NOL10: variants seen among roughly 807,000 people sequenced by gnomAD.
NOL10 encodes nucleolar protein 10, also known as H_NH0074G24.1.
A neutral mutation model predicts 103.5 loss-of-function variants in NOL10; 58 were observed. That is an observed-to-expected ratio of 0.56 (90% CI 0.45 to 0.70). The LOEUF is 0.70. Among genes scored for constraint, NOL10 ranks in the 30% least tolerant of loss-of-function variants. The pLI is 0.00. For missense variants in NOL10, 763 were observed against 807.3 expected (o/e 0.95, Z 0.67); for synonymous variants, 287 against 282.5 (o/e 1.02, Z -0.16).
At chr2:10,660,066 G>A (rs1680095237) in intron 9 of NOL10, among the ~76,000 whole-genome samples, 1 of 151,950 alleles carries the variant, frequency 6.6e-6, no homozygotes. Context: ...TGAGTCAGAA[G>A]TGGACAATAT....
At chr2:10,623,469 T>C (rs1003075023) in intron 13 of NOL10, among the ~76,000 whole-genome samples, 1 of 152,196 alleles carries the variant, frequency 6.6e-6, no homozygotes. Context: ...GAATGAAACA[T>C]TACTTATGGG....
intron 20 of NOL10, among the ~76,000 whole-genome samples, chr2:10,577,392 C>G (rs1046588952): frequency 5.9e-5 from 9 of 152,190 alleles, no homozygotes; most frequent in African/African-American, 9.7e-5. Flanking sequence ...AGAGCTAACT[C>G]CAGGGCCACT....
intron 12 of NOL10, among the ~76,000 whole-genome samples, chr2:10,646,915 T>C (rs1286823793): frequency 6.6e-6 from 1 of 152,116 alleles, no homozygotes; most frequent in Non-Finnish European, 1.5e-5. Context: ...TAATATAACA[T>C]CAAACTGAAA....
intron 13 of NOL10, among the ~76,000 whole-genome samples, chr2:10,641,338 C>CA (rs1028480294): frequency 1.2e-4 from 16 of 129,790 alleles, no homozygotes; most frequent in Admixed American, 6.4e-4. Context: ...AACTCCGTCT[C>CA]AAAAAAAAAC....
At chr2:10,676,780 G>A (rs1681336971) in intron 3 of NOL10, among the ~76,000 whole-genome samples, 1 of 151,918 alleles carries the variant, frequency 6.6e-6, no homozygotes, top group African/African-American at 2.4e-5. Context: ...TGGGATTACA[G>A]GTGCAGGCCA....
At position 10,593,085 on chromosome 2, in the gene NOL10, C is replaced by G. The variant is rs143847543; in HGVS notation, c.1423-3334G>C. ...GACGCCTATTATTATTTTGTTCCAACATAGTAACATATATGAAGAATGATT... is the reference window on the plus strand; with the variant it reads ...GACGCCTATTATTATTTTGTTCCAAGATAGTAACATATATGAAGAATGATT... On this transcript the variant is annotated intron_variant, in intron 17 of 20. Transcript: ENST00000381685. Among the ~76,000 whole-genome samples, 492 of 152,094 alleles carry G rather than the reference C, an allele frequency of 3.2e-3. 5 individuals carry two copies. Among genetic ancestry groups the G allele is most frequent in the Middle Eastern group, 0.017 (5 of 294 alleles).
At chr2:10,678,469 T>C (rs1159792576) in intron 3 of NOL10, among the ~76,000 whole-genome samples, 1 of 151,488 alleles carries the variant, frequency 6.6e-6, no homozygotes, top group Non-Finnish European at 1.5e-5. Context: ...ATTTCTTATC[T>C]TTCATCCCCA....
chr2:10,650,292 C>G (rs1401496789), intron 12 of NOL10, among the ~76,000 whole-genome samples: 2 of 106,866 alleles, frequency 1.9e-5, no homozygotes, highest in African/African-American at 6.2e-5. Context: ...CTTAGAGTAT[C>G]TGGGACTACA....
At chr2:10,648,511 G>A (rs747002412) in intron 12 of NOL10, among the ~76,000 whole-genome samples, 3 of 152,126 alleles carry the variant, frequency 2.0e-5, no homozygotes, top group Non-Finnish European at 4.4e-5. Flanking sequence ...CGAGTTATTA[G>A]ATAGTAACAG....
At chr2:10,585,445 T>C (rs544327498) in intron 19 of NOL10, among the ~76,000 whole-genome samples, 6 of 152,310 alleles carry the variant, frequency 3.9e-5, no homozygotes, top group African/African-American at 1.2e-4. Context: ...TTCTTGCACA[T>C]AGATGAAAAC....
chr2:10,621,959 T>A, intron 13 of NOL10: 1 of 425,582 alleles, frequency 2.3e-6, no homozygotes, highest in South Asian at 1.8e-5. Context: ...TGTGGCGATT[T>A]AAGTTAAAAT....
chr2:10,649,027 G>A (rs1482606029), intron 12 of NOL10, among the ~76,000 whole-genome samples: 1 of 152,050 alleles, frequency 6.6e-6, no homozygotes, highest in Non-Finnish European at 1.5e-5. Context: ...ACCTGAAAAT[G>A]GACTGGATGT....
chr2:10,670,880 GTTT>G (rs574085157), intron 6 of NOL10, among the ~76,000 whole-genome samples: 209 of 152,298 alleles, frequency 1.4e-3, no homozygotes, highest in Non-Finnish European at 1.9e-3. Flanking sequence ...TGAAACAACT[GTTT>G]TTTAAATTTT....
chr2:10,677,226 A>G (rs896555193), intron 3 of NOL10, among the ~76,000 whole-genome samples: 1 of 152,110 alleles, frequency 6.6e-6, no homozygotes, highest in African/African-American at 2.4e-5. Context: ...GGAGTTAGCC[A>G]CCATGCCTGG....
chr2:10,589,373 AT>A (rs1392300913), intron 18 of NOL10, 83 bp from the exon 19 acceptor site: 4 of 1,548,050 alleles, frequency 2.6e-6, no homozygotes, highest in Non-Finnish European at 3.5e-6. Context: ...GCACTGGCCC[AT>A]TAATGAGTGC....
intron 13 of NOL10, among the ~76,000 whole-genome samples, chr2:10,607,532 G>T (rs1468488659): frequency 6.6e-6 from 1 of 152,132 alleles, no homozygotes; most frequent in East Asian, 1.9e-4. Context: ...ACCTCACTTA[G>T]TCTAAGGTAC....
intron 9 of NOL10, 103 bp from the exon 10 acceptor site, chr2:10,659,353 G>GC (rs1491477528): frequency 1.0e-5 from 4 of 398,744 alleles, no homozygotes; most frequent in African/African-American, 9.6e-5. Flanking sequence ...GGGGGGGGGG[G>GC]GAGGAATCAC....
chr2:10,591,760 T>C (rs1294980435), intron 17 of NOL10, among the ~76,000 whole-genome samples: 1 of 151,892 alleles, frequency 6.6e-6, no homozygotes, highest in East Asian at 1.9e-4. Flanking sequence ...TCTCAGCACT[T>C]TGGGAGGCTG....
At chr2:10,652,666 C>T (rs186458611) in intron 12 of NOL10, among the ~76,000 whole-genome samples, 1 of 152,274 alleles carries the variant, frequency 6.6e-6, no homozygotes, top group African/African-American at 2.4e-5. Context: ...GGCTCCTCCC[C>T]CTCATTCTCC....
Sources: allele counts gnomAD v4.1 joint callset (sites outside exome capture counted in the v4.1 genomes callset), GRCh38; gene constraint gnomAD v4.1.1; transcripts MANE v1.5; gene names NCBI Gene and HGNC (gene_info 2026-07-23, HGNC 2026-07-21).